Variants in ANKRD36 observed in about 807,000 individuals in gnomAD.
ANKRD36 encodes the protein ankyrin repeat domain 36.
Under a neutral mutation model 278.1 loss-of-function variants are expected in ANKRD36, and 179 were observed. The ratio of observed to expected loss-of-function variants is 0.64; its 90% CI spans 0.57 to 0.73. ANKRD36 has a LOEUF of 0.73. Among genes scored for constraint, ANKRD36 ranks in the 30% least tolerant of loss-of-function variants. ANKRD36 has a pLI of 0.00. For synonymous variants in ANKRD36, 320 were observed against 641.1 expected (o/e 0.50, Z 7.57); for missense variants, 1,159 against 1,956.7 (o/e 0.59, Z 7.69).
chr2:97,206,589 C>T (rs774604208), intron 52 of ANKRD36, among the ~76,000 whole-genome samples: 2 of 151,350 alleles, frequency 1.3e-5, no homozygotes, highest in Non-Finnish European at 3.0e-5. Flanking sequence ...CCAAAGAAGA[C>T]GGATTGTGAG....
chr2:97,139,316 A>G (rs1276725138), intron 6 of ANKRD36, among the ~76,000 whole-genome samples: 1 of 152,074 alleles, frequency 6.6e-6, no homozygotes, highest in Non-Finnish European at 1.5e-5. Context: ...AAAAAGAAAA[A>G]GAAATCACCC....
intron 42 of ANKRD36, 136 bp downstream of exon 42, chr2:97,196,924 G>C (rs985011894): frequency 2.1e-5 from 28 of 1,361,396 alleles, no homozygotes; most frequent in African/African-American, 3.0e-5. Context: ...ATTTGCAGTA[G>C]GTTCTTGGGT....
chr2:97,197,850 C>T (rs532394787), intron 42 of ANKRD36, among the ~76,000 whole-genome samples: 2 of 151,966 alleles, frequency 1.3e-5, no homozygotes, highest in Non-Finnish European at 2.9e-5. Flanking sequence ...GTAGTGGATA[C>T]AAAAAACTTA....
At chr2:97,205,194 G>A (rs2062506912) in intron 50 of ANKRD36, among the ~76,000 whole-genome samples, 1 of 151,650 alleles carries the variant, frequency 6.6e-6, no homozygotes, top group African/African-American at 2.4e-5. Flanking sequence ...ATTGTCTAAT[G>A]GTTGTGGCAG....
intron 22 of ANKRD36, among the ~76,000 whole-genome samples, chr2:97,174,658 C>T (rs1457677198): frequency 2.0e-5 from 3 of 151,684 alleles, no homozygotes; most frequent in Non-Finnish European, 2.9e-5. Context: ...ACTTCCAACA[C>T]TATGTTGAAT....
chr2:97,139,749 C>T (rs199665138), intron 6 of ANKRD36, among the ~76,000 whole-genome samples: 7,539 of 100,330 alleles, frequency 0.075, no homozygotes, highest in South Asian at 0.088. Flanking sequence ...CCCCTTAAAG[C>T]ATGTATTTTT....
chr2:97,189,553 G>A (rs1380354166), intron 34 of ANKRD36, among the ~76,000 whole-genome samples: 2 of 88,338 alleles, frequency 2.3e-5, no homozygotes, highest in African/African-American at 5.2e-5. Context: ...CAAGACATAA[G>A]GGGCTCTGGG....
At chr2:97,197,330 A>T (rs2153582813) in intron 42 of ANKRD36, among the ~76,000 whole-genome samples, 1 of 152,040 alleles carries the variant, frequency 6.6e-6, no homozygotes, top group Middle Eastern at 3.4e-3. Context: ...AACTCACTTC[A>T]GATGCATTTG....
rs546509484 is a variant in ANKRD36, at chr2:97,140,705, C to A, written c.800-1935C>A. Among the ~76,000 whole-genome samples the A allele has an allele frequency of 4.2e-3, 632 of 152,036 alleles. 5 individuals are homozygous for A. The highest frequency in any genetic ancestry group is 0.015 in the African/African-American group (604 of 41,498). Reference sequence around the variant, plus strand: ...ATTTAACATTTTAATAAAGCAAAACCTTATCTTCACATGTGTCAGAATGGG... The same window carrying A: ...ATTTAACATTTTAATAAAGCAAAACATTATCTTCACATGTGTCAGAATGGG... On this transcript the variant is annotated intron_variant, in intron 6 of 75. Transcript: ENST00000420699.
At chr2:97,134,198 ATAGT>A (rs2040900313) in intron 6 of ANKRD36, among the ~76,000 whole-genome samples, 1 of 152,104 alleles carries the variant, frequency 6.6e-6, no homozygotes, top group African/African-American at 2.4e-5. Flanking sequence ...AATTTCCAAG[ATAGT>A]TGAATGTATT....
chr2:97,222,415 G>A (rs4536683), intron 66 of ANKRD36, among the ~76,000 whole-genome samples: 65,015 of 150,186 alleles, frequency 0.43, 19,279 homozygotes, highest in African/African-American at 0.8. Context: ...TGTTCTCCAT[G>A]GTGACTGTAC....
In ANKRD36 at chr2:97,151,693, T is replaced by C. The variant is rs144218173; in HGVS notation, c.1102-186T>C. Among the ~76,000 whole-genome samples the C allele has an allele frequency of 2.2e-3, 337 of 151,268 alleles. No homozygotes were observed. In the East Asian group the frequency reaches 0.049, roughly 22 times the overall value. ...GAGTAACATTTTGAAGATATCTGTATCACCAATCATAACCATCACCCCATG... is the reference window on the plus strand; with the variant it reads ...GAGTAACATTTTGAAGATATCTGTACCACCAATCATAACCATCACCCCATG... On this transcript the variant is annotated intron_variant, in intron 12 of 75. Transcript: ENST00000420699.
chr2:97,133,723 T>C (rs1256258208), intron 6 of ANKRD36, among the ~76,000 whole-genome samples: 3 of 152,152 alleles, frequency 2.0e-5, no homozygotes, highest in South Asian at 2.1e-4. Context: ...ATATTAGTAA[T>C]AGAAGATTCA....
rs185228707 is a variant in ANKRD36 at position 97,183,401 on chromosome 2, T to C, written c.1838-58T>C. 4.2e-3 allele frequency: 6,313 copies of C among 1,495,370 alleles called. 52 individuals carry two copies. Among genetic ancestry groups the C allele is most frequent in the Admixed American group, 1.0e-2 (488 of 48,806 alleles). 92.6% of individuals were successfully genotyped at this position (1,495,370 alleles called of 1,614,324 possible). ...GCTTGATGCTAACACTGCATGAATG[T>C]ATGGATGACTTTGTCATATTTACAT... On this transcript the variant is annotated intron_variant, in intron 26 of 75. Transcript: ENST00000420699.
chr2:97,221,762 TGCAGAA>T (rs1342112231), intron 66 of ANKRD36, among the ~76,000 whole-genome samples: 10 of 148,336 alleles, frequency 6.7e-5, no homozygotes, highest in African/African-American at 2.6e-4. Flanking sequence ...TCTTTTGCTG[TGCAGAA>T]GCTCTTTAGT....
rs779380314 is a variant in ANKRD36 at position 97,187,322 on chromosome 2, C to T, written c.2071-7C>T. The T allele has an allele frequency of 8.7e-6, 14 of 1,604,506 alleles. No individual in the cohort carries two copies. The highest frequency in any genetic ancestry group is 1.2e-5 in the Non-Finnish European group (14 of 1,176,266). On this transcript the variant is annotated splice_region_variant and splice_polypyrimidine_tract_variant and intron_variant, in intron 31 of 75. Coordinates refer to ENST00000420699, the MANE Select transcript of ANKRD36 (RefSeq NM_001354587.1). ...TTATTTATTATTTTCTTTCAAATTC[C>T]ATTCAGGCTACAACTGACGAGGAAG...
At chr2:97,144,615 T>A (rs1407382807) in intron 9 of ANKRD36, 25 bp from the exon 10 acceptor site, 2 of 1,551,968 alleles carry the variant, frequency 1.3e-6, no homozygotes, top group South Asian at 2.3e-5. Context: ...TAGGTATTGA[T>A]TATTTTGTTT....
At chr2:97,129,303 C>G (rs960817087) in intron 6 of ANKRD36, among the ~76,000 whole-genome samples, 4 of 152,068 alleles carry the variant, frequency 2.6e-5, no homozygotes, top group Non-Finnish European at 5.9e-5. Context: ...CCTTCGCCCA[C>G]TTTTTGATGG....
At position 97,218,918 on chromosome 2, in the gene ANKRD36, C is replaced by G. The variant is rs1015193403; in HGVS notation, c.3776-132C>G. The G allele has an allele frequency of 2.5e-5, 35 of 1,380,934 alleles. No individual in the cohort carries two copies. In the African/African-American group the frequency reaches 4.1e-4, roughly 16 times the overall value. The allele number at this position is 1,380,934 out of a possible 1,614,324, so 85.5% of individuals were successfully genotyped here. Reference sequence around the variant, plus strand: ...CTATCATATTACTGTCCCAAAGAAACAAACTAGAAAAATATGAAACCCTAC... The same window carrying G: ...CTATCATATTACTGTCCCAAAGAAAGAAACTAGAAAAATATGAAACCCTAC... On this transcript the variant is annotated intron_variant, in intron 64 of 75. Transcript: ENST00000420699.
Sources: allele counts gnomAD v4.1 joint callset (sites outside exome capture counted in the v4.1 genomes callset), GRCh38; gene constraint gnomAD v4.1.1; transcripts MANE v1.5; gene names NCBI Gene and HGNC (gene_info 2026-07-23, HGNC 2026-07-21).